The following CCDC88C variants were observed in gnomAD, a reference collection of about 807,000 sequenced individuals.
The protein encoded by CCDC88C is coiled-coil and HOOK domain protein 88C.
A neutral mutation model predicts 198.8 loss-of-function variants in CCDC88C; 131 were observed. That is an observed-to-expected ratio of 0.66 (90% CI 0.57 to 0.76). CCDC88C has a LOEUF of 0.76. CCDC88C is among the 30% of genes least tolerant of loss of function. CCDC88C has a pLI of 0.00. For missense variants in CCDC88C, 2,553 were observed against 2,631.6 expected (o/e 0.97, Z 0.65); for synonymous variants, 1,166 against 1,114.7 (o/e 1.05, Z -0.92).
At chr14:91,285,008 C>A (rs1437307615) in intron 25 of CCDC88C, among the ~76,000 whole-genome samples, 1 of 152,302 alleles carries the variant, frequency 6.6e-6, no homozygotes, top group East Asian at 1.9e-4. Flanking sequence ...TTTCTGTCTC[C>A]TGCTGTTTTA....
chr14:91,303,696 C>A lies in CCDC88C; in HGVS notation c.3635+5G>T. On this transcript the variant is annotated splice_donor_5th_base_variant and intron_variant, in intron 20 of 29. Coordinates refer to ENST00000389857, the MANE Select transcript of CCDC88C (RefSeq NM_001080414.4). ...CCCAGATCCCCTTCCTTCCCCAGGC[C>A]CTACCTCTCCCCGAGCTCCTTGTGC... The A allele has an allele frequency of 6.4e-7, 1 of 1,572,772 alleles. No individual in the cohort carries two copies. The highest frequency in any genetic ancestry group is 1.2e-5 in the South Asian group (1 of 86,426).
chr14:91,280,659 T>C (rs1214393936), intron 27 of CCDC88C, among the ~76,000 whole-genome samples: 1 of 152,206 alleles, frequency 6.6e-6, no homozygotes, highest in Non-Finnish European at 1.5e-5. Flanking sequence ...GTTAGCTGAC[T>C]GATCGCAAAT....
Position 91,272,558 on chromosome 14 carries a change from G to C in CCDC88C, c.*67C>G. The C allele has an allele frequency of 1.3e-6, 2 of 1,503,988 alleles. No homozygotes were observed. The highest frequency in any genetic ancestry group is 1.4e-5 in the African/African-American group (1 of 72,404). The allele number at this position is 1,503,988 out of a possible 1,614,324, so 93.2% of individuals were successfully genotyped here. Reference sequence around the variant, plus strand: ...CTCCTGGCACCGCAGGCAAGCAAGAGAAAAGGCCGTGAGAGTCGGAAGGCG... The same window carrying C: ...CTCCTGGCACCGCAGGCAAGCAAGACAAAAGGCCGTGAGAGTCGGAAGGCG... On this transcript the variant is annotated 3_prime_UTR_variant, in exon 30 of 30. Transcript: ENST00000389857.
chr14:91,296,011 C>T (rs1041761872), intron 22 of CCDC88C, among the ~76,000 whole-genome samples: 1 of 152,224 alleles, frequency 6.6e-6, no homozygotes, highest in Non-Finnish European at 1.5e-5. Context: ...GAAACCAGCT[C>T]AGCCCTGCCG....
chr14:91,365,168 T>TCCCTCACCCCTCAC lies in CCDC88C; in HGVS notation c.271-5471_271-5458dup, dbSNP rs58915053. 1.8e-3 allele frequency among the ~76,000 whole-genome samples: 265 copies of TCCCTCACCCCTCAC among 149,488 alleles called. 1 individual carries two copies. The highest frequency in any genetic ancestry group is 6.1e-3 in the African/African-American group (245 of 40,390). ...AAGTGCTCTCCTCCTCTCCTCCAAC[T>TCCCTCACCCCTCAC]CCCTCACCCCTCACCCCTCACCCCT... On this transcript the variant is annotated intron_variant, in intron 3 of 29. Coordinates refer to ENST00000389857, the MANE Select transcript of CCDC88C (RefSeq NM_001080414.4).
chr14:91,406,364 T>C (rs8014502), intron 3 of CCDC88C, among the ~76,000 whole-genome samples: 75 of 151,072 alleles, frequency 5.0e-4, no homozygotes, highest in Middle Eastern at 3.5e-3. Flanking sequence ...ATTTGAGACC[T>C]TCATCAATCC....
At chr14:91,368,977 C>T (rs1410527905) in intron 3 of CCDC88C, among the ~76,000 whole-genome samples, 1 of 152,222 alleles carries the variant, frequency 6.6e-6, no homozygotes, top group African/African-American at 2.4e-5. Flanking sequence ...CCTCCTTCCT[C>T]CCTGACATTC....
chr14:91,284,902 G>A lies in CCDC88C; in HGVS notation c.4442-1385C>T, dbSNP rs905725003. Among the ~76,000 whole-genome samples the A allele has an allele frequency of 6.6e-6, 1 of 152,206 alleles. No individual in the cohort carries two copies. The highest frequency in any genetic ancestry group is 6.5e-5 in the Admixed American group (1 of 15,282). ...TGACAAAAATAACGGAGGTGGTACA[G>A]GGATGGCTAGAGACAGGAAATGCTC... On this transcript the variant is annotated intron_variant, in intron 25 of 29. Coordinates refer to ENST00000389857, the MANE Select transcript of CCDC88C (RefSeq NM_001080414.4). This position sits in a 1 kb window ranked among gnomAD's most constrained non-coding sequence, Gnocchi z 4.1.
At chr14:91,281,935 G>C (rs1294291775) in intron 26 of CCDC88C, among the ~76,000 whole-genome samples, 2 of 152,170 alleles carry the variant, frequency 1.3e-5, no homozygotes, top group Non-Finnish European at 2.9e-5. Context: ...AAGAAAAAGA[G>C]GCAAAATCAG....
chr14:91,388,034 G>A (rs894289526), intron 3 of CCDC88C, among the ~76,000 whole-genome samples: 5 of 152,176 alleles, frequency 3.3e-5, no homozygotes, highest in Admixed American at 6.5e-5. Flanking sequence ...TCTGCCTTGC[G>A]GCTGGGGATT....
chr14:91,306,563 A>G (rs1418567618), intron 18 of CCDC88C, among the ~76,000 whole-genome samples: 2 of 152,254 alleles, frequency 1.3e-5, no homozygotes, highest in African/African-American at 4.8e-5. Context: ...AATCAAAGTC[A>G]GAGGCACGGA....
At chr14:91,304,106 C>A (rs568660476) in intron 19 of CCDC88C, 128 bp from the exon 20 acceptor site, 16 of 1,049,204 alleles carry the variant, frequency 1.5e-5, no homozygotes, top group Non-Finnish European at 2.2e-5. Flanking sequence ...CCAGAGGGTA[C>A]CCAGGATGGC....
intron 13 of CCDC88C, among the ~76,000 whole-genome samples, chr14:91,320,750 CT>C (rs1317420035): frequency 6.6e-6 from 1 of 152,184 alleles, no homozygotes; most frequent in Non-Finnish European, 1.5e-5. Flanking sequence ...CCCCACACCC[CT>C]GGTATAAGCA....
At chr14:91,380,548 C>CAAT (rs1884726402) in intron 3 of CCDC88C, among the ~76,000 whole-genome samples, 1 of 34,668 alleles carries the variant, frequency 2.9e-5, no homozygotes, top group Non-Finnish European at 9.8e-5. Flanking sequence ...AAGATTGGCT[C>CAAT]CATCTTTTTT....
chr14:91,282,603 T>A (rs1371365720), intron 26 of CCDC88C, among the ~76,000 whole-genome samples: 2 of 152,188 alleles, frequency 1.3e-5, no homozygotes, highest in Non-Finnish European at 2.9e-5. Context: ...TGGGACTCTC[T>A]CAGGCTAATG....
intron 3 of CCDC88C, among the ~76,000 whole-genome samples, chr14:91,362,769 T>C (rs1431442915): frequency 5.3e-5 from 8 of 151,734 alleles, no homozygotes; most frequent in Non-Finnish European, 1.0e-4. Flanking sequence ...CTCTACTAAA[T>C]ATACAAAAAA....
At position 91,416,734 on chromosome 14, in the gene CCDC88C, T is replaced by C. The variant is rs750346979; in HGVS notation, c.161+4A>G. ...TTCCTTCCTCCGAGAAGAAGGTAAC[T>C]TACATTTGCAGCATAATTTGGTTCA... On this transcript the variant is annotated splice_donor_region_variant and intron_variant, in intron 2 of 29. Transcript: ENST00000389857. The C allele has an allele frequency of 3.1e-6, 5 of 1,595,190 alleles. No individual in the cohort carries two copies. In the East Asian group the frequency reaches 1.1e-4, roughly 36 times the overall value.
intron 25 of CCDC88C, among the ~76,000 whole-genome samples, chr14:91,285,224 G>GCA (rs1269170247): frequency 6.6e-6 from 1 of 152,216 alleles, no homozygotes; most frequent in Non-Finnish European, 1.5e-5. Flanking sequence ...GAAAAGGGCA[G>GCA]CAGTTTTAAA....
intron 28 of CCDC88C, 93 bp from the exon 29 acceptor site, chr14:91,278,304 A>G (rs750459149): frequency 8.2e-7 from 1 of 1,223,822 alleles, no homozygotes. Flanking sequence ...GCCCACTTCA[A>G]ACTATCAGAA....
Sources: allele counts gnomAD v4.1 joint callset (sites outside exome capture counted in the v4.1 genomes callset), GRCh38; gene constraint gnomAD v4.1.1; non-coding constraint Gnocchi (gnomAD v3.1); transcripts MANE v1.5; gene names NCBI Gene and HGNC (gene_info 2026-07-23, HGNC 2026-07-21).